Variants in SGCG observed in about 807,000 individuals in gnomAD.
SGCG encodes the protein sarcoglycan gamma, also known as gamma-sarcoglycan.
A neutral mutation model predicts 29.3 loss-of-function variants in SGCG; 26 were observed. That is an observed-to-expected ratio of 0.89 (90% confidence interval 0.65 to 1.23). The LOEUF (loss-of-function observed/expected upper bound fraction) is 1.23. SGCG is among the 50% of genes most tolerant of loss of function. The pLI is 0.00. For synonymous variants in SGCG, 145 were observed against 129.7 expected, an observed-to-expected ratio of 1.12 and a Z score of -0.80; for missense variants, 353 against 356.0, an observed-to-expected ratio of 0.99 and a Z score of 0.07.
the SGCG span, among the ~76,000 whole-genome samples, chr13:23,165,158 G>T: frequency 6.6e-6 from 1 of 152,128 alleles, no homozygotes; most frequent in East Asian, 1.9e-4. Context: ...TATCAGCCTA[G>T]CAATGAACTA....
intron 2 of SGCG, among the ~76,000 whole-genome samples, chr13:23,220,799 G>A (rs1334261420): frequency 6.6e-6 from 1 of 152,148 alleles, no homozygotes; most frequent in East Asian, 1.9e-4. Flanking sequence ...AAATTGCTAT[G>A]GAAAGGGGAG....
At chr13:23,198,266 C>T (rs1877592922) in intron 1 of SGCG, among the ~76,000 whole-genome samples, 1 of 152,154 alleles carries the variant, frequency 6.6e-6, no homozygotes, top group Admixed American at 6.5e-5. Flanking sequence ...TAATGGCCTA[C>T]CCAAACTAGG....
Position 23,224,665 on chromosome 13 carries a change from T to TACACACACACACACACACACAC in SGCG, c.196-9930_196-9929insACACACACACACACACACACAC, listed in dbSNP as rs60671278. On this transcript the variant is annotated intron_variant, in intron 2 of 7. Transcript: ENST00000218867. Reference sequence around the variant, plus strand: ...ATTCCAACCCCAAACAGGGCACACATACACACACACACACACCCCACACCA... The same window carrying TACACACACACACACACACACAC: ...ATTCCAACCCCAAACAGGGCACACATACACACACACACACACACACACACACACACACACACACCCCACACCA... Among the ~76,000 whole-genome samples the TACACACACACACACACACACAC allele has an allele frequency of 1.7e-3, 247 of 142,104 alleles. 1 individual carries two copies. Among genetic ancestry groups the TACACACACACACACACACACAC allele is most frequent in the African/African-American group, 5.8e-3 (229 of 39,556 alleles). The allele number at this position is 142,104 out of a possible 152,430, so 93.2% of individuals were successfully genotyped here.
At chr13:23,308,427 C>T (rs1882434256) in intron 6 of SGCG, among the ~76,000 whole-genome samples, 1 of 152,126 alleles carries the variant, frequency 6.6e-6, no homozygotes, top group Admixed American at 6.6e-5. Context: ...GCCCTATTCT[C>T]GTCTGTTGTT....
intron 5 of SGCG, among the ~76,000 whole-genome samples, chr13:23,289,101 C>T (rs993907488): frequency 2.0e-5 from 3 of 152,090 alleles, no homozygotes; most frequent in African/African-American, 7.2e-5. Context: ...GATGTTAAGT[C>T]GAAAAAGACG....
upstream of SGCG, among the ~76,000 whole-genome samples, chr13:23,177,093 C>T (rs1876580683): frequency 6.6e-6 from 1 of 152,096 alleles, no homozygotes; most frequent in South Asian, 2.1e-4. Flanking sequence ...ACCTGAAGGA[C>T]ATCATGTTAA....
intron 6 of SGCG, among the ~76,000 whole-genome samples, chr13:23,317,490 C>T (rs1213366889): frequency 1.3e-5 from 2 of 151,812 alleles, no homozygotes; most frequent in African/African-American, 4.8e-5. Context: ...GCTACGAACA[C>T]GTGACCAGCT....
chr13:23,300,656 C>T (rs1882118523), intron 6 of SGCG, among the ~76,000 whole-genome samples: 1 of 151,890 alleles, frequency 6.6e-6, no homozygotes, highest in South Asian at 2.1e-4. Flanking sequence ...ATAGGAACTC[C>T]GAGGTGGCAA....
intron 3 of SGCG, among the ~76,000 whole-genome samples, chr13:23,241,629 C>T (rs1212432725): frequency 6.6e-6 from 1 of 152,156 alleles, no homozygotes; most frequent in Non-Finnish European, 1.5e-5. Flanking sequence ...ACAAGACCAG[C>T]ATAGCCATGA....
chr13:23,200,200 A>C (rs919043822), intron 1 of SGCG, among the ~76,000 whole-genome samples: 1 of 152,122 alleles, frequency 6.6e-6, no homozygotes, highest in Non-Finnish European at 1.5e-5. Flanking sequence ...AAGCGAGTGG[A>C]TTACCTGAGG....
intron 1 of SGCG, among the ~76,000 whole-genome samples, chr13:23,191,177 A>T (rs553653842): frequency 6.6e-6 from 1 of 152,198 alleles, no homozygotes; most frequent in African/African-American, 2.4e-5. Flanking sequence ...GAGATCAGCC[A>T]TAGTAATTCC....
At position 23,255,871 on chromosome 13, in the gene SGCG, G is replaced by A. The variant is rs555103658; in HGVS notation, c.385+5154G>A. 3.9e-5 allele frequency among the ~76,000 whole-genome samples: 6 copies of A among 152,284 alleles called. No homozygotes were observed. The South Asian group carries it at 1.2e-3, about 32-fold the overall frequency. On this transcript the variant is annotated intron_variant, in intron 4 of 7. Transcript: ENST00000218867. ...ACTTAATTTAAAAAGCTGAAAGAAA[G>A]CACACTTTGAAAGAAGCAGTGGGCA...
At chr13:23,272,884 A>G (rs1053086973) in intron 4 of SGCG, among the ~76,000 whole-genome samples, 2 of 152,132 alleles carry the variant, frequency 1.3e-5, no homozygotes, top group African/African-American at 2.4e-5. Context: ...ATGGTTTTCA[A>G]GCTTATTTGC....
intron 5 of SGCG, among the ~76,000 whole-genome samples, chr13:23,291,636 T>C (rs1881707873): frequency 6.6e-6 from 1 of 152,190 alleles, no homozygotes; most frequent in South Asian, 2.1e-4. Flanking sequence ...TACATATCAG[T>C]TTATAGATTT....
intron 4 of SGCG, among the ~76,000 whole-genome samples, chr13:23,257,047 C>T (rs779954469): frequency 6.6e-6 from 1 of 152,152 alleles, no homozygotes; most frequent in Non-Finnish European, 1.5e-5. Context: ...CCTGTTGTTT[C>T]CTGACTTGTT....
chr13:23,208,154 A>G (rs1023229575), intron 2 of SGCG, among the ~76,000 whole-genome samples: 4 of 152,126 alleles, frequency 2.6e-5, no homozygotes, highest in Non-Finnish European at 4.4e-5. Context: ...CAACTACCAT[A>G]TAATTATTTA....
chr13:23,239,465 G>A (rs78551442), intron 3 of SGCG, among the ~76,000 whole-genome samples: 32 of 152,204 alleles, frequency 2.1e-4, no homozygotes, highest in Non-Finnish European at 3.8e-4. Context: ...AGCACCACAA[G>A]AAATATTAAA....
intron 1 of SGCG, among the ~76,000 whole-genome samples, chr13:23,200,411 A>G (rs1877694960): frequency 6.6e-6 from 1 of 152,188 alleles, no homozygotes; most frequent in African/African-American, 2.4e-5. Context: ...CAACAGAGCA[A>G]GAATCTGTTT....
At chr13:23,246,091 A>T (rs1879699305) in intron 3 of SGCG, 1 of 152,340 alleles carries the variant, frequency 6.6e-6, no homozygotes, top group Non-Finnish European at 1.4e-5. Flanking sequence ...CAGCAGCAGC[A>T]GCAGCAACAA....
Sources: gnomAD v4.1 joint callset for allele counts (sites outside exome capture counted in the v4.1 genomes callset) on GRCh38, gnomAD v4.1.1 for gene constraint, MANE v1.5 for transcripts, NCBI Gene and HGNC (gene_info 2026-07-23, HGNC 2026-07-21) for gene names.